The following MAST4 variants were observed in gnomAD, a reference collection of about 807,000 sequenced individuals.
MAST4 encodes the protein microtubule associated serine/threonine kinase family member 4.
In MAST4, 89 loss-of-function variants were observed where a neutral mutation model predicts 162.7. The ratio of observed to expected loss-of-function variants is 0.55; its 90% CI spans 0.46 to 0.65. The LOEUF is 0.65. MAST4 is among the 30% of genes least tolerant of loss of function. MAST4 has a pLI of 0.00. For missense variants in MAST4, 3,153 were observed against 3,374.0 expected, an observed-to-expected ratio of 0.93 and a Z score of 1.62; for synonymous variants, 1,479 against 1,361.1, an observed-to-expected ratio of 1.09 and a Z score of -1.91.
chr5:67,043,444 AT>A (rs1757001958), intron 4 of MAST4, among the ~76,000 whole-genome samples: 1 of 152,186 alleles, frequency 6.6e-6, no homozygotes, highest in Admixed American at 6.5e-5. Flanking sequence ...TAATAGTAAA[AT>A]TTTACTGTGT....
chr5:66,747,904 G>C (rs1752866607), intron 1 of MAST4, among the ~76,000 whole-genome samples: 1 of 152,194 alleles, frequency 6.6e-6, no homozygotes, highest in African/African-American at 2.4e-5. Flanking sequence ...TGAGGGGGTG[G>C]AGGGAAAATC....
chr5:66,666,222 T>G (rs781734147), intron 1 of MAST4, among the ~76,000 whole-genome samples: 7 of 152,212 alleles, frequency 4.6e-5, no homozygotes, highest in Non-Finnish European at 1.0e-4. Context: ...CCTTTAAACC[T>G]TGGCTCATAT....
At chr5:66,828,700 TGGA>T (rs1757394943) in intron 3 of MAST4, 1 of 1,267,672 alleles carries the variant, frequency 7.9e-7, no homozygotes, top group Admixed American at 2.2e-5. Flanking sequence ...ATAACTAAGC[TGGA>T]CCAGCTGACT....
chr5:66,895,050 G>A (rs1194200787), intron 3 of MAST4, among the ~76,000 whole-genome samples: 1 of 152,112 alleles, frequency 6.6e-6, no homozygotes, highest in African/African-American at 2.4e-5. Flanking sequence ...TAACTGGGCT[G>A]TTCCCTGGGT....
chr5:67,077,571 A>G (rs1421574925), intron 5 of MAST4, among the ~76,000 whole-genome samples: 1 of 152,116 alleles, frequency 6.6e-6, no homozygotes, highest in Non-Finnish European at 1.5e-5. Context: ...GCTCCTCACC[A>G]TTCACTGCTC....
chr5:67,158,153 C>A (rs368513103), intron 26 of MAST4, among the ~76,000 whole-genome samples: 276 of 152,240 alleles, frequency 1.8e-3, no homozygotes, highest in African/African-American at 6.4e-3. Context: ...GAAGAGAAGA[C>A]CCCACTCCAA....
intron 3 of MAST4, among the ~76,000 whole-genome samples, chr5:66,881,208 A>G (rs1196515448): frequency 1.3e-5 from 2 of 152,320 alleles, no homozygotes; most frequent in East Asian, 3.9e-4. Context: ...TTTTCATGAT[A>G]CTGCTTCCCA....
intron 1 of MAST4, among the ~76,000 whole-genome samples, chr5:66,610,125 G>A (rs1415591036): frequency 6.6e-6 from 1 of 152,092 alleles, no homozygotes; most frequent in African/African-American, 2.4e-5. Context: ...TTAAAGGAAC[G>A]ATCTGTTCCA....
intron 11 of MAST4, 88 bp from the exon 12 acceptor site, chr5:67,113,999 G>A: frequency 6.9e-7 from 1 of 1,457,642 alleles, no homozygotes; most frequent in Non-Finnish European, 9.5e-7. Flanking sequence ...TGTATACCCA[G>A]CAGTTATATT....
chr5:66,873,448 C>T (rs1761082604), intron 3 of MAST4, among the ~76,000 whole-genome samples: 1 of 152,190 alleles, frequency 6.6e-6, no homozygotes, highest in Non-Finnish European at 1.5e-5. Context: ...TTCCTATATT[C>T]TGGGGGTCAG....
chr5:66,964,179 G>T, intron 4 of MAST4: 1 of 393,974 alleles, frequency 2.5e-6, no homozygotes, highest in Non-Finnish European at 4.9e-6. Flanking sequence ...ATTATTTACA[G>T]GATAATGTAT....
At chr5:66,747,015 A>T (rs1237319035) in intron 1 of MAST4, among the ~76,000 whole-genome samples, 2 of 151,742 alleles carry the variant, frequency 1.3e-5, no homozygotes, top group Non-Finnish European at 2.9e-5. Context: ...AGTCAGTTGC[A>T]ATTAAATGCC....
At chr5:66,737,541 G>A (rs760929196) in intron 1 of MAST4, among the ~76,000 whole-genome samples, 110 of 152,276 alleles carry the variant, frequency 7.2e-4, no homozygotes, top group Non-Finnish European at 1.5e-4. Context: ...CACCGCGCCT[G>A]GGCAGCTGAG....
intron 5 of MAST4, among the ~76,000 whole-genome samples, chr5:67,085,953 T>C (rs75276789): frequency 0.025 from 3,839 of 152,252 alleles, 124 homozygotes; most frequent in African/African-American, 0.074. Context: ...ACTTTATCTG[T>C]TGGTATTCAT....
intron 4 of MAST4, among the ~76,000 whole-genome samples, chr5:66,952,243 T>C (rs1303092768): frequency 6.6e-6 from 1 of 152,124 alleles, no homozygotes; most frequent in Admixed American, 6.5e-5. Flanking sequence ...TCCACCCTGA[T>C]CTTTTCTCAT....
Position 67,099,496 on chromosome 5 carries a change from A to G in MAST4, c.913-939A>G, listed in dbSNP as rs112194667. ...TATGAAGGATACTCTTAATATAATG[A>G]TTTTTAAAAAAAATGCTTACTAGAA... On this transcript the variant is annotated intron_variant, in intron 7 of 28. Transcript: ENST00000403625. 2.7e-3 allele frequency among the ~76,000 whole-genome samples: 408 copies of G among 152,168 alleles called. 2 individuals are homozygous for G. The highest frequency in any genetic ancestry group is 9.5e-3 in the African/African-American group (394 of 41,478).
chr5:67,055,123 A>C (rs1758642948), intron 5 of MAST4, among the ~76,000 whole-genome samples: 1 of 152,212 alleles, frequency 6.6e-6, no homozygotes, highest in Non-Finnish European at 1.5e-5. Flanking sequence ...AGATGTTGAA[A>C]GATGAGCAAG....
intron 5 of MAST4, among the ~76,000 whole-genome samples, chr5:67,062,313 G>A (rs768155467): frequency 1.1e-4 from 17 of 151,968 alleles, no homozygotes; most frequent in South Asian, 2.1e-4. Flanking sequence ...TAGGAGAATC[G>A]CTTGAACCCA....
chr5:67,005,033 A>G (rs770426276), intron 4 of MAST4: 7 of 775,078 alleles, frequency 9.0e-6, no homozygotes, highest in Middle Eastern at 2.2e-4. Flanking sequence ...TGTGCTCTCA[A>G]ACTTTACTTT....
Sources: allele counts gnomAD v4.1 joint callset (sites outside exome capture counted in the v4.1 genomes callset), GRCh38; gene constraint gnomAD v4.1.1; transcripts MANE v1.5; gene names NCBI Gene and HGNC (gene_info 2026-07-23, HGNC 2026-07-21).